The following CAMK2B variants were observed in gnomAD, a reference collection of about 807,000 sequenced individuals.
The protein encoded by CAMK2B is calcium/calmodulin dependent protein kinase II beta.
In CAMK2B, 27 loss-of-function variants were observed where a neutral mutation model predicts 93.7. The observed-to-expected ratio is 0.29, with a 90% CI of 0.21 to 0.40. The LOEUF (loss-of-function observed/expected upper bound fraction) is 0.40. CAMK2B is among the 10% of genes least tolerant of loss of function. The pLI is 1.00. For synonymous variants in CAMK2B, 374 were observed against 358.8 expected, an observed-to-expected ratio of 1.04 and a Z score of -0.48; for missense variants, 568 against 895.8, an observed-to-expected ratio of 0.63 and a Z score of 4.67.
intron 4 of CAMK2B, among the ~76,000 whole-genome samples, chr7:44,257,640 C>T (rs2096845726): frequency 6.6e-6 from 1 of 152,262 alleles, no homozygotes; most frequent in South Asian, 2.1e-4. Context: ...AGGACACAGC[C>T]TCAGCCAGGC....
At chr7:44,291,344 C>T (rs1023517948) in intron 1 of CAMK2B, among the ~76,000 whole-genome samples, 2 of 152,174 alleles carry the variant, frequency 1.3e-5, no homozygotes, top group African/African-American at 2.4e-5. Flanking sequence ...CACAGGGAGG[C>T]GGGTGGCCAT....
chr7:44,229,087 C>T lies in CAMK2B; in HGVS notation c.1340-163G>A, dbSNP rs548434704. On this transcript the variant is annotated intron_variant, in intron 18 of 23. Transcript: ENST00000395749. The stretch of plus-strand genomic sequence containing the variant: ...CTCAATAGCAGGGAGCCCCCCCGCC[C>T]GCAAGCTGAGGTGGAGTGAGGCCTG... The T allele has an allele frequency of 3.9e-5, 29 of 747,642 alleles. No individual in the cohort carries two copies. The East Asian group carries it at 5.4e-4, about 14-fold the overall frequency. The allele number at this position is 747,642 out of a possible 1,614,324, so 46.3% of individuals were successfully genotyped here. A position where few individuals can be genotyped will look rare whatever the true frequency, so the allele number is the denominator to read the frequency against.
rs775889179 is a variant in CAMK2B, at chr7:44,258,859, C to A, written c.275+13G>T. Reference sequence around the variant, plus strand: ...GAGTGAGTGCAGCGAGAGTCCCCAGCTCTGGAACTTACAGATCGAAGACCA... The same window carrying A: ...GAGTGAGTGCAGCGAGAGTCCCCAGATCTGGAACTTACAGATCGAAGACCA... On this transcript the variant is annotated intron_variant, in intron 4 of 23. Transcript: ENST00000395749. The A allele has an allele frequency of 1.9e-5, 30 of 1,612,974 alleles. No homozygotes were observed. Among genetic ancestry groups the A allele is most frequent in the Non-Finnish European group, 2.5e-5 (30 of 1,179,280 alleles).
Position 44,311,970 on chromosome 7 carries a change from G to A in CAMK2B, c.65+13387C>T, listed in dbSNP as rs541025522. 4.2e-4 allele frequency among the ~76,000 whole-genome samples: 64 copies of A among 152,306 alleles called. 1 individual carries two copies. The highest frequency in any genetic ancestry group is 1.4e-3 in the African/African-American group (60 of 41,566). ...TGAGGCACAGGCCCATCCTCACCAC[G>A]GAGTCACGCCTGCTGGAGACTTTCC... On this transcript the variant is annotated intron_variant, in intron 1 of 23. Transcript: ENST00000395749. The surrounding 1 kb of genome is among the most constrained non-coding windows in gnomAD (Gnocchi z 4.2).
At chr7:44,237,035 C>T (rs1412132283) in intron 13 of CAMK2B, among the ~76,000 whole-genome samples, 1 of 152,254 alleles carries the variant, frequency 6.6e-6, no homozygotes, top group African/African-American at 2.4e-5. Flanking sequence ...AGTTCCACCC[C>T]ACCCCCGAGG....
chr7:44,288,394 G>C (rs766603032), intron 1 of CAMK2B, among the ~76,000 whole-genome samples: 1 of 152,250 alleles, frequency 6.6e-6, no homozygotes. Context: ...CCAGGCAGCT[G>C]TAAGGGCACA....
At chr7:44,238,260 C>T (rs1231245829) in intron 13 of CAMK2B, among the ~76,000 whole-genome samples, 1 of 152,212 alleles carries the variant, frequency 6.6e-6, no homozygotes, top group African/African-American at 2.4e-5. Flanking sequence ...TCTCGGCGCC[C>T]AGGGTGGAGC....
At chr7:44,226,431 C>T (rs1488073849) in intron 20 of CAMK2B, 85 bp downstream of exon 20, 2 of 1,141,046 alleles carry the variant, frequency 1.8e-6, no homozygotes, top group Non-Finnish European at 2.3e-6. Flanking sequence ...GCAAGAATGG[C>T]CCTTCCCAGA....
At chr7:44,317,500 C>T (rs1259887054) in intron 1 of CAMK2B, among the ~76,000 whole-genome samples, 1 of 152,190 alleles carries the variant, frequency 6.6e-6, no homozygotes, top group Non-Finnish European at 1.5e-5. Context: ...TGCCCACGGT[C>T]TCTAACTCCT....
intron 6 of CAMK2B, among the ~76,000 whole-genome samples, chr7:44,246,293 G>T (rs1175126718): frequency 6.6e-6 from 1 of 152,040 alleles, no homozygotes; most frequent in Non-Finnish European, 1.5e-5. Flanking sequence ...TTTCTCTATT[G>T]CCCAGGCTGG....
At chr7:44,270,024 G>A (rs915916066) in intron 2 of CAMK2B, among the ~76,000 whole-genome samples, 20 of 152,028 alleles carry the variant, frequency 1.3e-4, no homozygotes, top group African/African-American at 3.4e-4. Context: ...AAATGGAATC[G>A]TGTGTGGAAA....
At chr7:44,275,903 T>TG (rs1470485478) in intron 2 of CAMK2B, among the ~76,000 whole-genome samples, 2 of 152,178 alleles carry the variant, frequency 1.3e-5, no homozygotes, top group African/African-American at 4.8e-5. Flanking sequence ...AGGCTGACCC[T>TG]GGGGCAGGGG....
chr7:44,218,043 CTG>C lies in CAMK2B; in HGVS notation c.*1480_*1481del, dbSNP rs2096360144. 1.3e-5 allele frequency: 2 copies of C among 152,626 alleles called. No individual in the cohort carries two copies. The highest frequency in any genetic ancestry group is 1.3e-4 in the Admixed American group (2 of 15,294). 9.5% of individuals were successfully genotyped at this position (152,626 alleles called of 1,614,324 possible). A position where few individuals can be genotyped will look rare whatever the true frequency, so the allele number is the denominator to read the frequency against. ...CTGGTGTCCTGGGCCCTGTGCCCACCTGTTTCTGTCCCCAGCCCGCCTTATCT... is the reference window on the plus strand; with the variant it reads ...CTGGTGTCCTGGGCCCTGTGCCCACCTTTCTGTCCCCAGCCCGCCTTATCT... On this transcript the variant is annotated 3_prime_UTR_variant, in exon 24 of 24. Transcript: ENST00000395749.
intron 1 of CAMK2B, among the ~76,000 whole-genome samples, chr7:44,310,405 T>A (rs1300304193): frequency 6.6e-6 from 1 of 151,948 alleles, no homozygotes; most frequent in Admixed American, 6.6e-5. Flanking sequence ...GGTTCGTAAG[T>A]GGGGAGGCTG....
chr7:44,235,464 T>C (rs1437072402), intron 13 of CAMK2B, among the ~76,000 whole-genome samples: 3 of 152,122 alleles, frequency 2.0e-5, no homozygotes, highest in Non-Finnish European at 4.4e-5. Flanking sequence ...ACACCCTCCA[T>C]GGCTGTTAGG....
rs544281023 is a variant in CAMK2B, at chr7:44,279,763, A to C, written c.160+4368T>G. On this transcript the variant is annotated intron_variant, in intron 2 of 23. Transcript: ENST00000395749. The stretch of plus-strand genomic sequence containing the variant: ...ACTACCCTAAATCCTTCTGACTCAT[A>C]GAGCACTTTGAGAATATAAATAGGG... Among the ~76,000 whole-genome samples the C allele has an allele frequency of 2.3e-3, 346 of 152,350 alleles. 1 individual carries two copies. The highest frequency in any genetic ancestry group is 8.9e-3 in the South Asian group (43 of 4,830).
rs1337288705 is a variant in CAMK2B at position 44,243,440 on chromosome 7, G to T, written c.502C>A (p.Gln168Lys). ...TGGCACTCACCAAACCATGCCTGCT[G>T]GTCCCCCTGCACCTCGATAGCTAGG... ...FGLAIEVQGD[Q>K]QAWFGFAGTP... Residue 168 changes from glutamine to lysine, a missense_variant, in exon 7 of 24, where the codon CAG becomes AAG. Coordinates refer to ENST00000395749, the MANE Select transcript of CAMK2B (RefSeq NM_001220.5). 3.7e-6 allele frequency: 6 copies of T among 1,613,992 alleles called. No homozygotes were observed. Among genetic ancestry groups the T allele is most frequent in the Non-Finnish European group, 5.1e-6 (6 of 1,179,994 alleles).
rs2128928205 is a variant in CAMK2B at position 44,232,876 on chromosome 7, A to C, written c.1132-10T>G. 3 of 1,613,158 alleles carry C rather than the reference A, an allele frequency of 1.9e-6. No individual in the cohort carries two copies. The East Asian group carries it at 6.7e-5, about 36-fold the overall frequency. On this transcript the variant is annotated splice_polypyrimidine_tract_variant and intron_variant, in intron 15 of 23. Coordinates refer to ENST00000395749, the MANE Select transcript of CAMK2B (RefSeq NM_001220.5). ...CGGTGGTTTGAGGCTCCTACAGAAG[A>C]AGGAAGACACAGAGGAAGGAAAGAG...
chr7:44,226,009 C>T (rs2096471809), intron 20 of CAMK2B: 5 of 950,704 alleles, frequency 5.3e-6, no homozygotes, highest in East Asian at 6.2e-5. Context: ...CTGTTTCAGC[C>T]TGGCCCCAGC....
Sources: gnomAD v4.1 joint callset for allele counts (sites outside exome capture counted in the v4.1 genomes callset) on GRCh38, gnomAD v4.1.1 for gene constraint, Gnocchi (gnomAD v3.1) non-coding constraint, MANE v1.5 for transcripts, NCBI Gene and HGNC (gene_info 2026-07-23, HGNC 2026-07-21) for gene names.